Variants in SYNE2 observed in about 807,000 individuals in gnomAD.
SYNE2 encodes nesprin-2.
A neutral mutation model predicts 856.3 loss-of-function variants in SYNE2; 431 were observed. The observed-to-expected ratio is 0.50, with a 90% CI of 0.47 to 0.55. SYNE2 has a LOEUF of 0.55. Among genes scored for constraint, SYNE2 ranks in the 20% least tolerant of loss-of-function variants. The probability of loss-of-function intolerance (pLI) is 0.00; values close to 1 mark genes in which losing one functional copy is unlikely to be tolerated. For missense variants in SYNE2, 8,129 were observed against 8,023.2 expected, an observed-to-expected ratio of 1.01 and a Z score of -0.50; for synonymous variants, 2,923 against 2,872.3, an observed-to-expected ratio of 1.02 and a Z score of -0.56.
chr14:64,040,591 G>A (rs866589319), intron 45 of SYNE2, among the ~76,000 whole-genome samples: 2 of 85,952 alleles, frequency 2.3e-5, no homozygotes, highest in South Asian at 4.6e-4. Flanking sequence ...TAGAAGTGAG[G>A]TTAAAAATAT....
intron 1 of SYNE2, among the ~76,000 whole-genome samples, chr14:63,890,053 CTTTT>C (rs71123813): frequency 1.7e-4 from 16 of 95,018 alleles, no homozygotes; most frequent in Non-Finnish European, 2.4e-4. Flanking sequence ...TTCTTTCTTT[CTTTT>C]TTTTTTTTTT....
intron 2 of SYNE2, among the ~76,000 whole-genome samples, chr14:63,931,165 A>G (rs2095748915): frequency 6.6e-6 from 1 of 152,202 alleles, no homozygotes; most frequent in African/African-American, 2.4e-5. Context: ...AAGTATTAAG[A>G]GTTGTAATAC....
At chr14:64,018,223 A>G (rs2096908909) in intron 34 of SYNE2, among the ~76,000 whole-genome samples, 1 of 152,098 alleles carries the variant, frequency 6.6e-6, no homozygotes, top group Admixed American at 6.5e-5. Context: ...TACAGACCCC[A>G]GGGGTTACCA....
chr14:64,101,500 A>G (rs1411197122), intron 63 of SYNE2, among the ~76,000 whole-genome samples: 1 of 152,132 alleles, frequency 6.6e-6, no homozygotes, highest in Non-Finnish European at 1.5e-5. Context: ...TGCCTAGGCT[A>G]GAGTGCAGTG....
chr14:63,806,718 A>C (rs1183318859), intron 1 of SYNE2, among the ~76,000 whole-genome samples: 4 of 152,018 alleles, frequency 2.6e-5, no homozygotes, highest in Admixed American at 6.6e-5. Flanking sequence ...TTTTTTTAAA[A>C]TTTAACAAAT....
intron 96 of SYNE2, among the ~76,000 whole-genome samples, chr14:64,184,065 A>G (rs2098476002): frequency 6.6e-6 from 1 of 152,196 alleles, no homozygotes; most frequent in Non-Finnish European, 1.5e-5. Flanking sequence ...CGTCAGCTCT[A>G]GTAAACTTCC....
At chr14:63,994,661 T>C (rs1171122042) in intron 22 of SYNE2, among the ~76,000 whole-genome samples, 4 of 152,236 alleles carry the variant, frequency 2.6e-5, no homozygotes, top group Non-Finnish European at 5.9e-5. Context: ...GTTTGCACTT[T>C]ATTTACCTTT....
chr14:64,152,434 T>C, intron 84 of SYNE2, 130 bp from the exon 85 acceptor site: 1 of 863,518 alleles, frequency 1.2e-6, no homozygotes. Flanking sequence ...TAAATTTCTT[T>C]GATGTAATGC....
At chr14:64,177,205 C>A (rs2098439189) in intron 95 of SYNE2, among the ~76,000 whole-genome samples, 153 bp from the exon 96 acceptor site, 1 of 152,184 alleles carries the variant, frequency 6.6e-6, no homozygotes, top group South Asian at 2.1e-4. Flanking sequence ...TTTTGGAGAC[C>A]ATAGTCTGCT....
chr14:64,165,070 A>C (rs1420076559), intron 89 of SYNE2, among the ~76,000 whole-genome samples: 3 of 151,742 alleles, frequency 2.0e-5, no homozygotes, highest in Non-Finnish European at 2.9e-5. Flanking sequence ...TATTTTTTGC[A>C]GAGATGGAGT....
chr14:63,989,987 G>A (rs975538129), intron 19 of SYNE2, among the ~76,000 whole-genome samples: 1 of 151,934 alleles, frequency 6.6e-6, no homozygotes, highest in African/African-American at 2.4e-5. Flanking sequence ...TCTTTTTGTG[G>A]TTTCATATTT....
intron 83 of SYNE2, among the ~76,000 whole-genome samples, chr14:64,145,490 A>C (rs895044609): frequency 6.8e-6 from 1 of 146,592 alleles, no homozygotes; most frequent in African/African-American, 2.6e-5. Context: ...CCTGGGTGAC[A>C]GAGCGAGACT....
intron 57 of SYNE2, 32 bp from the exon 58 acceptor site, chr14:64,087,637 TTC>T (rs772080128): frequency 1.2e-6 from 2 of 1,605,032 alleles, no homozygotes; most frequent in African/African-American, 1.3e-5. Context: ...ATCTTGATGT[TTC>T]TCTCTATTTT....
intron 8 of SYNE2, chr14:63,956,288 A>C: frequency 2.5e-6 from 1 of 397,004 alleles, no homozygotes; most frequent in South Asian, 1.9e-5. Flanking sequence ...ATAGACAGAT[A>C]GCCTCAGGAG....
At chr14:63,940,271 G>T (rs1240501388) in intron 2 of SYNE2, among the ~76,000 whole-genome samples, 3 of 151,926 alleles carry the variant, frequency 2.0e-5, no homozygotes, top group Admixed American at 6.6e-5. Flanking sequence ...GTCCAGGCTG[G>T]TCTCAAACTC....
At chr14:63,790,683 C>G (rs560358480) in intron 1 of SYNE2, among the ~76,000 whole-genome samples, 1 of 152,052 alleles carries the variant, frequency 6.6e-6, no homozygotes, top group Non-Finnish European at 1.5e-5. Context: ...AATGAAAGGT[C>G]AGTAGAAGGA....
chr14:63,853,374 GC>G (rs976065553), intron 1 of SYNE2, among the ~76,000 whole-genome samples: 28 of 151,868 alleles, frequency 1.8e-4, no homozygotes, highest in Non-Finnish European at 7.4e-5. Flanking sequence ...CGGGCGGGGC[GC>G]TCCGGGGATT....
intron 18 of SYNE2, among the ~76,000 whole-genome samples, chr14:63,984,365 C>A (rs1360849357): frequency 6.6e-6 from 1 of 152,204 alleles, no homozygotes; most frequent in East Asian, 1.9e-4. Context: ...AAGTCTTTAG[C>A]ATGAAAGTCT....
At chr14:64,108,408 C>G (rs2097784900) in intron 65 of SYNE2, among the ~76,000 whole-genome samples, 1 of 152,022 alleles carries the variant, frequency 6.6e-6, no homozygotes, top group Non-Finnish European at 1.5e-5. Context: ...AATAAGGAAT[C>G]AAACCCAGAA....
Sources: allele counts gnomAD v4.1 joint callset (sites outside exome capture counted in the v4.1 genomes callset), GRCh38; gene constraint gnomAD v4.1.1; transcripts MANE v1.5; gene names NCBI Gene and HGNC (gene_info 2026-07-23, HGNC 2026-07-21).